The following PPP4R3B variants were observed in gnomAD, a reference collection of about 807,000 sequenced individuals.
PPP4R3B encodes the protein serine/threonine-protein phosphatase 4 regulatory subunit 3B.
PPP4R3B carries 52 observed loss-of-function variants against 95.4 expected under a neutral mutation model. The ratio of observed to expected loss-of-function variants is 0.54; its 90% confidence interval spans 0.44 to 0.69. PPP4R3B has a LOEUF of 0.69. PPP4R3B is among the 30% of genes least tolerant of loss of function. The pLI, the probability that PPP4R3B is intolerant of heterozygous loss-of-function variation, is 0.00. For synonymous variants in PPP4R3B, 407 were observed against 343.9 expected (o/e 1.18, Z -2.03); for missense variants, 1,003 against 1,005.9 (o/e 1.00, Z 0.04).
At chr2:55,565,447 G>A (rs1687165154) in intron 13 of PPP4R3B, among the ~76,000 whole-genome samples, 1 of 152,018 alleles carries the variant, frequency 6.6e-6, no homozygotes, top group African/African-American at 2.4e-5. Context: ...GAGGCTCTAA[G>A]AGAGGCTGGA....
At chr2:55,568,582 T>C (rs1306624013) in intron 12 of PPP4R3B, among the ~76,000 whole-genome samples, 1 of 152,210 alleles carries the variant, frequency 6.6e-6, no homozygotes, top group East Asian at 1.9e-4. Flanking sequence ...TCAAAACCTG[T>C]ACAACTTTGT....
At chr2:55,610,285 C>G (rs780572666) in intron 2 of PPP4R3B, among the ~76,000 whole-genome samples, 1 of 152,140 alleles carries the variant, frequency 6.6e-6, no homozygotes, top group African/African-American at 2.4e-5. Flanking sequence ...TCCACCCTAT[C>G]CCTCCTCCCC....
chr2:55,577,702 AT>A (rs1688874731), intron 10 of PPP4R3B, among the ~76,000 whole-genome samples: 1 of 152,076 alleles, frequency 6.6e-6, no homozygotes, highest in African/African-American at 2.4e-5. Context: ...ACTATTTTTA[AT>A]TTTTTAAAAT....
chr2:55,601,854 T>C (rs1046320508), intron 3 of PPP4R3B, among the ~76,000 whole-genome samples: 1 of 152,210 alleles, frequency 6.6e-6, no homozygotes, highest in African/African-American at 2.4e-5. Flanking sequence ...ATCAAATGTA[T>C]TGGGAGACTG....
intron 16 of PPP4R3B, among the ~76,000 whole-genome samples, chr2:55,555,950 C>T (rs746825176): frequency 6.6e-6 from 1 of 152,200 alleles, no homozygotes; most frequent in Non-Finnish European, 1.5e-5. Context: ...ATACGTTTTA[C>T]AGTTACACAA....
At chr2:55,612,684 C>T (rs914646023) in intron 2 of PPP4R3B, among the ~76,000 whole-genome samples, 2 of 152,096 alleles carry the variant, frequency 1.3e-5, no homozygotes, top group Non-Finnish European at 2.9e-5. Context: ...GTGGCTCACA[C>T]CTGTAATCCC....
chr2:55,597,355 G>T (rs1691934616), intron 4 of PPP4R3B, among the ~76,000 whole-genome samples: 1 of 152,090 alleles, frequency 6.6e-6, no homozygotes, highest in Non-Finnish European at 1.5e-5. Flanking sequence ...GGGCGGGGTG[G>T]CTCACGCCTG....
chr2:55,566,928 G>C (rs1348386087), intron 13 of PPP4R3B, among the ~76,000 whole-genome samples: 2 of 152,288 alleles, frequency 1.3e-5, no homozygotes, highest in East Asian at 3.9e-4. Flanking sequence ...ATCTGCTTGA[G>C]CCCAGGAGGT....
chr2:55,590,068 G>A (rs1011549810), intron 4 of PPP4R3B, among the ~76,000 whole-genome samples: 10 of 147,172 alleles, frequency 6.8e-5, no homozygotes, highest in Non-Finnish European at 7.5e-5. Context: ...TGGCTCATGC[G>A]TGTAATCCCA....
At chr2:55,561,334 G>A (rs1686589616) in intron 15 of PPP4R3B, among the ~76,000 whole-genome samples, 1 of 152,182 alleles carries the variant, frequency 6.6e-6, no homozygotes, top group African/African-American at 2.4e-5. Flanking sequence ...CTGCTGCAGG[G>A]GCAGAGCTCT....
At chr2:55,567,728 T>C (rs1687493554) in intron 13 of PPP4R3B, among the ~76,000 whole-genome samples, 1 of 152,168 alleles carries the variant, frequency 6.6e-6, no homozygotes, top group African/African-American at 2.4e-5. Flanking sequence ...AAGTGAATTA[T>C]TTTTCCATCT....
At chr2:55,607,027 C>A (rs1393320126) in intron 2 of PPP4R3B, among the ~76,000 whole-genome samples, 1 of 152,048 alleles carries the variant, frequency 6.6e-6, no homozygotes, top group Non-Finnish European at 1.5e-5. Flanking sequence ...AGGCACCTAT[C>A]CATTTTGTTT....
intron 5 of PPP4R3B, among the ~76,000 whole-genome samples, chr2:55,587,706 T>G (rs1438204291): frequency 6.6e-6 from 1 of 152,208 alleles, no homozygotes; most frequent in Non-Finnish European, 1.5e-5. Context: ...GAACACATAG[T>G]TTCACAGAAA....
intron 9 of PPP4R3B, among the ~76,000 whole-genome samples, chr2:55,578,925 T>A (rs1265277861): frequency 6.6e-6 from 1 of 152,082 alleles, no homozygotes; most frequent in Non-Finnish European, 1.5e-5. Flanking sequence ...TAGTATGTAG[T>A]ATGGTCATAT....
chr2:55,549,946 ATTC>A lies in PPP4R3B; in HGVS notation c.2512_2514del (p.Glu838del), dbSNP rs750697639. ...AGACGAGGTCTTTTCCTGGGGGACG[ATTC>A]TTCTTCTTCATCTTCCTCTTCATCA... On this transcript the variant is annotated inframe_deletion, in exon 17 of 17. Coordinates refer to ENST00000616407, the MANE Select transcript of PPP4R3B (RefSeq NM_001122964.3). The A allele has an allele frequency of 4.0e-4, 650 of 1,613,540 alleles. No individual in the cohort carries two copies. The highest frequency in any genetic ancestry group is 1.7e-3 in the Middle Eastern group (10 of 6,058).
intron 5 of PPP4R3B, among the ~76,000 whole-genome samples, chr2:55,588,105 A>C (rs1168104351): frequency 1.3e-5 from 2 of 152,214 alleles, no homozygotes; most frequent in African/African-American, 2.4e-5. Flanking sequence ...TCTCTTCCTC[A>C]AAATGGTTTA....
intron 6 of PPP4R3B, among the ~76,000 whole-genome samples, chr2:55,585,993 A>C (rs1690082929): frequency 6.6e-6 from 1 of 152,190 alleles, no homozygotes. Context: ...TGTGAATCTA[A>C]ACACCTTCTA....
intron 5 of PPP4R3B, 47 bp downstream of exon 5, chr2:55,588,832 T>C (rs781088459): frequency 1.5e-5 from 19 of 1,300,226 alleles, no homozygotes; most frequent in Non-Finnish European, 1.8e-5. Flanking sequence ...AAGCTGTGCA[T>C]GCCAAAAGAA....
At chr2:55,595,197 T>C (rs1401904622) in intron 4 of PPP4R3B, among the ~76,000 whole-genome samples, 1 of 152,016 alleles carries the variant, frequency 6.6e-6, no homozygotes, top group African/African-American at 2.4e-5. Flanking sequence ...CTAATTTTTG[T>C]ATTTTTAGTA....
Sources: gnomAD v4.1 joint callset for allele counts (sites outside exome capture counted in the v4.1 genomes callset) on GRCh38, gnomAD v4.1.1 for gene constraint, MANE v1.5 for transcripts, NCBI Gene and HGNC (gene_info 2026-07-23, HGNC 2026-07-21) for gene names.